TBC1D21: variants seen among roughly 807,000 people sequenced by gnomAD.
TBC1D21 encodes the protein male germ cell Rab GTPase-activating protein.
TBC1D21 carries 38 observed loss-of-function variants against 46.0 expected under a neutral mutation model. The ratio of observed to expected loss-of-function variants is 0.83; its 90% CI spans 0.64 to 1.08. The LOEUF (loss-of-function observed/expected upper bound fraction) is 1.08. Ranked by LOEUF, TBC1D21 falls within the 50% of genes least tolerant of loss-of-function variation. TBC1D21 has a pLI of 0.00. For synonymous variants in TBC1D21, 151 were observed against 157.2 expected (o/e 0.96, Z 0.29); for missense variants, 415 against 417.9 (o/e 0.99, Z 0.06).
chr15:73,908,237 A>C, the TBC1D21 span: 1 of 152,320 alleles, frequency 6.6e-6, no homozygotes, highest in Non-Finnish European at 1.5e-5. Context: ...ACACACACAC[A>C]TAAACACACA....
At chr15:73,892,254 T>G (rs1164413346), downstream of TBC1D21, among the ~76,000 whole-genome samples, 1 of 152,198 alleles carries the variant, frequency 6.6e-6, no homozygotes, top group Non-Finnish European at 1.5e-5. Flanking sequence ...CCTCCACTTG[T>G]CCACATACCT....
At chr15:73,887,551 A>G in intron 8 of TBC1D21, 69 bp from the exon 9 acceptor site, 1 of 1,366,768 alleles carries the variant, frequency 7.3e-7, no homozygotes, top group South Asian at 1.2e-5. Context: ...GTTGGTGGGT[A>G]CCTCACCATC....
At chr15:73,901,792 T>C in the TBC1D21 span, among the ~76,000 whole-genome samples, 1 of 152,150 alleles carries the variant, frequency 6.6e-6, no homozygotes, top group Non-Finnish European at 1.5e-5. Context: ...CAGGATAATC[T>C]TCCCATCTCA....
chr15:73,898,673 G>A, the TBC1D21 span, among the ~76,000 whole-genome samples: 44 of 151,506 alleles, frequency 2.9e-4, no homozygotes, highest in African/African-American at 1.1e-3. Flanking sequence ...AGACCAGCCT[G>A]GCCAACATGA....
At chr15:73,884,284 G>A in intron 4 of TBC1D21, 39 bp downstream of exon 4, 1 of 1,576,278 alleles carries the variant, frequency 6.3e-7, no homozygotes, top group African/African-American at 1.3e-5. Flanking sequence ...GCAGAGGGAG[G>A]GCTTGAAGCC....
chr15:73,877,663 C>G (rs2068091638), intron 1 of TBC1D21, among the ~76,000 whole-genome samples: 1 of 151,402 alleles, frequency 6.6e-6, no homozygotes, highest in Non-Finnish European at 1.5e-5. Flanking sequence ...TGCAAAAATT[C>G]TAAATAAAAT....
chr15:73,880,711 C>G lies in TBC1D21; in HGVS notation c.61-688C>G, dbSNP rs1244783493. On this transcript the variant is annotated intron_variant, in intron 1 of 10. Transcript: ENST00000300504. The stretch of plus-strand genomic sequence containing the variant: ...GCTTGAACCTGGGAGGCAGAGGTTG[C>G]AGTGAGCCGAGATCCACCACTGCAC... Among the ~76,000 whole-genome samples, 23 of 151,802 alleles carry G rather than the reference C, an allele frequency of 1.5e-4. 1 individual carries two copies. The highest frequency in any genetic ancestry group is 1.0e-4 in the Non-Finnish European group (7 of 67,964).
downstream of TBC1D21, among the ~76,000 whole-genome samples, chr15:73,891,496 C>G (rs2068336028): frequency 1.3e-5 from 2 of 152,304 alleles, no homozygotes; most frequent in South Asian, 4.1e-4. Flanking sequence ...GGCAGGAGCC[C>G]CGCCCCCTTC....
At chr15:73,895,220 G>T in the TBC1D21 span, among the ~76,000 whole-genome samples, 2 of 152,190 alleles carry the variant, frequency 1.3e-5, no homozygotes, top group Admixed American at 1.3e-4. Context: ...AGGGGGATTA[G>T]TGATCAGCTG....
the TBC1D21 span, among the ~76,000 whole-genome samples, chr15:73,895,679 G>A: frequency 2.0e-5 from 3 of 152,118 alleles, no homozygotes; most frequent in Admixed American, 6.5e-5. Context: ...CCAGATTAAT[G>A]GCCTCAATCT....
chr15:73,884,954 C>T, intron 5 of TBC1D21, 49 bp from the exon 6 acceptor site: 1 of 1,605,486 alleles, frequency 6.2e-7, no homozygotes, highest in Non-Finnish European at 8.5e-7. Flanking sequence ...AGCCAAGGGT[C>T]CAGGCTCTCC....
At chr15:73,900,362 G>A in the TBC1D21 span, among the ~76,000 whole-genome samples, 3 of 152,238 alleles carry the variant, frequency 2.0e-5, no homozygotes, top group Non-Finnish European at 2.9e-5. Context: ...CCTGGCACAC[G>A]AACCATGTAA....
chr15:73,901,997 A>G, the TBC1D21 span, among the ~76,000 whole-genome samples: 1 of 151,920 alleles, frequency 6.6e-6, no homozygotes, highest in African/African-American at 2.4e-5. Flanking sequence ...ATTTTTTTGT[A>G]GAGATGGGGA....
chr15:73,881,932 GAGCTCCATTTACC>G (rs2068163607), intron 3 of TBC1D21, among the ~76,000 whole-genome samples, 185 bp downstream of exon 3: 1 of 152,072 alleles, frequency 6.6e-6, no homozygotes, highest in South Asian at 2.1e-4. Context: ...TTCTCTCCCT[GAGCTCCATTTACC>G]AGCCCATCAA....
At chr15:73,894,891 A>G in the TBC1D21 span, among the ~76,000 whole-genome samples, 2 of 152,210 alleles carry the variant, frequency 1.3e-5, no homozygotes, top group African/African-American at 4.8e-5. Context: ...CTGGGACCTC[A>G]AACAAAAGCA....
intron 4 of TBC1D21, among the ~76,000 whole-genome samples, chr15:73,884,498 G>A (rs2141571576): frequency 6.6e-6 from 1 of 152,306 alleles, no homozygotes; most frequent in African/African-American, 2.4e-5. Flanking sequence ...TCCTTTCTTT[G>A]GCTTTGAATG....
the TBC1D21 span, chr15:73,908,414 G>C: frequency 1.3e-5 from 2 of 152,338 alleles, no homozygotes; most frequent in Non-Finnish European, 2.9e-5. Context: ...CTGGCTCTCA[G>C]CGCTCTCCTT....
At chr15:73,889,846 G>C (rs919428556), downstream of TBC1D21, among the ~76,000 whole-genome samples, 1 of 152,210 alleles carries the variant, frequency 6.6e-6, no homozygotes, top group Non-Finnish European at 1.5e-5. Flanking sequence ...CATCACACCT[G>C]CTCCCCCAGG....
chr15:73,888,308 C>G, intron 9 of TBC1D21, 122 bp from the exon 10 acceptor site: 1 of 777,980 alleles, frequency 1.3e-6, no homozygotes, highest in Non-Finnish European at 2.1e-6. Context: ...CAGGTGGTCC[C>G]CAGCGACTGC....
Sources: gnomAD v4.1 joint callset for allele counts (sites outside exome capture counted in the v4.1 genomes callset) on GRCh38, gnomAD v4.1.1 for gene constraint, MANE v1.5 for transcripts, NCBI Gene and HGNC (gene_info 2026-07-23, HGNC 2026-07-21) for gene names.